Variants in TMEM255B observed in about 807,000 individuals in gnomAD.
The protein encoded by TMEM255B is family with sequence similarity 70, member B.
A neutral mutation model predicts 34.5 loss-of-function variants in TMEM255B; 35 were observed. The observed-to-expected ratio is 1.01, with a 90% CI of 0.77 to 1.34. The LOEUF (loss-of-function observed/expected upper bound fraction) is 1.34. TMEM255B is among the 40% of genes most tolerant of loss of function. TMEM255B has a pLI of 0.00. For missense variants in TMEM255B, 432 were observed against 433.2 expected, an observed-to-expected ratio of 1.00 and a Z score of 0.02; for synonymous variants, 206 against 201.2, an observed-to-expected ratio of 1.02 and a Z score of -0.20.
At chr13:113,803,528 A>T (rs1288075212) in intron 7 of TMEM255B, among the ~76,000 whole-genome samples, 1 of 147,316 alleles carries the variant, frequency 6.8e-6, no homozygotes, top group Non-Finnish European at 1.5e-5. Flanking sequence ...TCCGCGTGTG[A>T]CTCCGTGGCC....
At position 113,771,174 on chromosome 13, in the gene TMEM255B, A is replaced by T. The variant is rs555213921; in HGVS notation, c.252+2014A>T. 7.4e-4 allele frequency among the ~76,000 whole-genome samples: 113 copies of T among 152,246 alleles called. 2 individuals carry two copies. Among genetic ancestry groups the T allele is most frequent in the African/African-American group, 2.5e-3 (105 of 41,540 alleles). On this transcript the variant is annotated intron_variant, in intron 3 of 8. Transcript: ENST00000375353. ...GCACCCTACCTACCCAGCCTAAGCA[A>T]CCAGGAATCAACTTCCTGTCTCTGT...
chr13:113,801,110 C>G (rs1018544797), intron 6 of TMEM255B, among the ~76,000 whole-genome samples, 198 bp downstream of exon 6: 1 of 152,172 alleles, frequency 6.6e-6, no homozygotes, highest in African/African-American at 2.4e-5. Context: ...ACATCACCCC[C>G]CCCACACCCC....
Position 113,805,045 on chromosome 13 carries a change from C to G in TMEM255B, c.813+17C>G, listed in dbSNP as rs756915815. The G allele has an allele frequency of 1.3e-6, 2 of 1,585,324 alleles. No homozygotes were observed. Among genetic ancestry groups the G allele is most frequent in the Non-Finnish European group, 1.7e-6 (2 of 1,167,030 alleles). On this transcript the variant is annotated intron_variant, in intron 8 of 8. Transcript: ENST00000375353. ...CCCCTTCAGGTAGGGCCAGCATCACCTGCTGGAGTTGGACGCGCTGGTCAC... is the reference window on the plus strand; with the variant it reads ...CCCCTTCAGGTAGGGCCAGCATCACGTGCTGGAGTTGGACGCGCTGGTCAC...
chr13:113,787,890 C>A (rs944570696), intron 3 of TMEM255B, among the ~76,000 whole-genome samples: 1 of 149,504 alleles, frequency 6.7e-6, no homozygotes, highest in Non-Finnish European at 1.5e-5. Flanking sequence ...CTGCAGGTGC[C>A]GTCCACTCTC....
chr13:113,782,642 G>A (rs112612000), intron 3 of TMEM255B, among the ~76,000 whole-genome samples: 6,274 of 150,316 alleles, frequency 0.042, 417 homozygotes, highest in African/African-American at 0.14. Flanking sequence ...TGTCAGTGCC[G>A]GCAGCGATGA....
chr13:113,777,380 C>T lies in TMEM255B; in HGVS notation c.252+8220C>T, dbSNP rs117729133. On this transcript the variant is annotated intron_variant, in intron 3 of 8. Transcript: ENST00000375353. ...GCCAGCTATGTGACCTGGGCGGGGC[C>T]AACAGTGCCTGTCAAGCCTGGTGGA... Among the ~76,000 whole-genome samples the T allele has an allele frequency of 3.0e-4, 46 of 152,318 alleles. 1 individual carries two copies. The East Asian group carries it at 6.4e-3, about 21-fold the overall frequency.
chr13:113,780,031 T>C (rs2050643090), intron 3 of TMEM255B, among the ~76,000 whole-genome samples: 1 of 152,242 alleles, frequency 6.6e-6, no homozygotes, highest in Non-Finnish European at 1.5e-5. Flanking sequence ...CTTTGTTTTA[T>C]AGAAGGAATC....
In TMEM255B at chr13:113,806,640, C is replaced by T. The variant is rs942353728; in HGVS notation, c.813+1612C>T. ...TGCAGTGGTCACTCCTGCAGGCAGGCGCGTCTGCTTGGTGCCACAGGCAGC... is the reference window on the plus strand; with the variant it reads ...TGCAGTGGTCACTCCTGCAGGCAGGTGCGTCTGCTTGGTGCCACAGGCAGC... On this transcript the variant is annotated intron_variant, in intron 8 of 8. Transcript: ENST00000375353. This position sits in a 1 kb window ranked among gnomAD's most constrained non-coding sequence, Gnocchi z 4.2. 6.6e-6 allele frequency among the ~76,000 whole-genome samples: 1 copy of T among 152,154 alleles called. No individual in the cohort carries two copies. Among genetic ancestry groups the T allele is most frequent in the Admixed American group, 6.5e-5 (1 of 15,292 alleles).
chr13:113,803,798 C>A lies in TMEM255B; in HGVS notation c.670-1087C>A, dbSNP rs555513638. 2.6e-5 allele frequency among the ~76,000 whole-genome samples: 4 copies of A among 152,358 alleles called. No homozygotes were observed. In the East Asian group the frequency reaches 7.7e-4, roughly 29 times the overall value. Reference sequence around the variant, plus strand: ...GCCCAGAAGGCCCTGCCCCTTCCCACCTTCCAGTGCCCGCTGGGCAGGGGG... The same window carrying A: ...GCCCAGAAGGCCCTGCCCCTTCCCAACTTCCAGTGCCCGCTGGGCAGGGGG... On this transcript the variant is annotated intron_variant, in intron 7 of 8. Transcript: ENST00000375353.
At chr13:113,809,839 T>G (rs537512063) in intron 8 of TMEM255B, among the ~76,000 whole-genome samples, 3 of 152,190 alleles carry the variant, frequency 2.0e-5, no homozygotes, top group East Asian at 3.9e-4. Flanking sequence ...GCTACAGAGT[T>G]GGAAGTTGGG....
intron 3 of TMEM255B, among the ~76,000 whole-genome samples, chr13:113,786,845 G>T (rs937516062): frequency 1.3e-5 from 2 of 152,212 alleles, no homozygotes; most frequent in African/African-American, 4.8e-5. Flanking sequence ...GGTCTGGGCT[G>T]GTGGCGTTGG....
At chr13:113,760,382 TATC>T (rs1183222795) in intron 1 of TMEM255B, among the ~76,000 whole-genome samples, 2 of 152,258 alleles carry the variant, frequency 1.3e-5, no homozygotes, top group African/African-American at 4.8e-5. Context: ...TAACTAGTTT[TATC>T]ATTATTAGAA....
Position 113,809,249 on chromosome 13 carries a change from G to C in TMEM255B, c.814-2487G>C, listed in dbSNP as rs530019472. On this transcript the variant is annotated intron_variant, in intron 8 of 8. Transcript: ENST00000375353. ...GGGATTTATGCTGTGGTTCCTGGGGGTTTACTCTGTGGTTCCTGGGGGTTT... is the reference window on the plus strand; with the variant it reads ...GGGATTTATGCTGTGGTTCCTGGGGCTTTACTCTGTGGTTCCTGGGGGTTT... 1.7e-3 allele frequency among the ~76,000 whole-genome samples: 211 copies of C among 122,830 alleles called. 2 individuals carry two copies. The highest frequency in any genetic ancestry group is 6.1e-3 in the African/African-American group (192 of 31,422). 80.6% of individuals were successfully genotyped at this position (122,830 alleles called of 152,430 possible).
intron 1 of TMEM255B, among the ~76,000 whole-genome samples, chr13:113,760,165 C>T (rs559960265): frequency 4.6e-4 from 70 of 152,294 alleles, no homozygotes; most frequent in African/African-American, 1.6e-3. Flanking sequence ...ACACAAACTT[C>T]TGGGGATTAA....
intron 3 of TMEM255B, among the ~76,000 whole-genome samples, chr13:113,792,474 C>G (rs1169683312): frequency 6.6e-6 from 1 of 152,244 alleles, no homozygotes; most frequent in African/African-American, 2.4e-5. Flanking sequence ...CCTGTCTCCC[C>G]TTGAGGAAAT....
intron 3 of TMEM255B, among the ~76,000 whole-genome samples, chr13:113,774,552 C>A (rs569665395): frequency 1.8e-3 from 263 of 147,454 alleles, no homozygotes; most frequent in African/African-American, 6.4e-3. Context: ...ATGCCACACA[C>A]CACACACACA....
intron 1 of TMEM255B, among the ~76,000 whole-genome samples, chr13:113,762,826 A>C (rs971849089): frequency 6.6e-6 from 1 of 152,244 alleles, no homozygotes; most frequent in Admixed American, 6.5e-5. Flanking sequence ...GGGTCGAAGC[A>C]GACGCTGAGT....
chr13:113,766,563 G>C (rs1050525841), intron 2 of TMEM255B: 5 of 442,448 alleles, frequency 1.1e-5, no homozygotes, highest in African/African-American at 6.0e-5. Flanking sequence ...GAGGGCAGGA[G>C]GGGGGCCAGA....
chr13:113,791,381 T>C lies in TMEM255B; in HGVS notation c.253-3767T>C, dbSNP rs148664771. On this transcript the variant is annotated intron_variant, in intron 3 of 8. Transcript: ENST00000375353. Reference sequence around the variant, plus strand: ...CGGCCGCCGAGCCGGACAGGGACGCTGGATCCTCCTGGGATGGCTTCGGCT... The same window carrying C: ...CGGCCGCCGAGCCGGACAGGGACGCCGGATCCTCCTGGGATGGCTTCGGCT... Among the ~76,000 whole-genome samples, 46 of 152,368 alleles carry C rather than the reference T, an allele frequency of 3.0e-4. No homozygotes were observed. The East Asian group carries it at 8.9e-3, about 29-fold the overall frequency.
Sources: gnomAD v4.1 joint callset for allele counts (sites outside exome capture counted in the v4.1 genomes callset) on GRCh38, gnomAD v4.1.1 for gene constraint, Gnocchi (gnomAD v3.1) non-coding constraint, MANE v1.5 for transcripts, NCBI Gene and HGNC (gene_info 2026-07-23, HGNC 2026-07-21) for gene names.